TBC1D19: variants seen among roughly 807,000 people sequenced by gnomAD.
The protein encoded by TBC1D19 is TBC1 domain family, member 19.
Under a neutral mutation model 89.0 loss-of-function variants are expected in TBC1D19, and 60 were observed. The observed-to-expected ratio is 0.67, with a 90% CI of 0.55 to 0.84. The LOEUF (loss-of-function observed/expected upper bound fraction) is 0.84, where lower values mean the gene tolerates loss of function less well. Among genes scored for constraint, TBC1D19 ranks in the 40% least tolerant of loss-of-function variants. The pLI is 0.00. For missense variants in TBC1D19, 500 were observed against 610.8 expected (o/e 0.82, Z 1.91); for synonymous variants, 189 against 199.7 (o/e 0.95, Z 0.45).
At chr4:26,600,541 A>C (rs1483493631) in intron 1 of TBC1D19, among the ~76,000 whole-genome samples, 1 of 152,206 alleles carries the variant, frequency 6.6e-6, no homozygotes, top group African/African-American at 2.4e-5. Flanking sequence ...GGTAAGACCA[A>C]GTTGAAATAA....
intron 10 of TBC1D19, among the ~76,000 whole-genome samples, chr4:26,672,925 T>C (rs1200513686): frequency 3.3e-5 from 5 of 152,104 alleles, no homozygotes; most frequent in East Asian, 3.9e-4. Context: ...CTTCTGCTCA[T>C]GTCATTTTCA....
chr4:26,651,174 G>A (rs114898227), intron 7 of TBC1D19, among the ~76,000 whole-genome samples: 88 of 152,244 alleles, frequency 5.8e-4, no homozygotes, highest in African/African-American at 2.0e-3. Flanking sequence ...TGTTCTTTTG[G>A]CTTAGTATTG....
At chr4:26,779,078 C>G in the TBC1D19 span, among the ~76,000 whole-genome samples, 3 of 152,182 alleles carry the variant, frequency 2.0e-5, no homozygotes, top group African/African-American at 7.2e-5. Context: ...CCTAAGAATA[C>G]TGGGAGCTTC....
intron 4 of TBC1D19, among the ~76,000 whole-genome samples, chr4:26,628,430 A>G (rs1015160116): frequency 6.6e-6 from 1 of 152,118 alleles, no homozygotes; most frequent in African/African-American, 2.4e-5. Flanking sequence ...GAAGAAAGTC[A>G]TTGGTAGCTT....
At chr4:26,654,014 G>A (rs1428946668) in intron 7 of TBC1D19, among the ~76,000 whole-genome samples, 1 of 152,182 alleles carries the variant, frequency 6.6e-6, no homozygotes, top group African/African-American at 2.4e-5. Context: ...GCTGGTACCG[G>A]TTATTCCTTT....
intron 1 of TBC1D19, among the ~76,000 whole-genome samples, chr4:26,609,186 T>TA (rs1470785716): frequency 1.3e-5 from 2 of 151,710 alleles, no homozygotes; most frequent in South Asian, 2.1e-4. Context: ...TGTGCACATG[T>TA]ACCCTAAAAC....
intron 17 of TBC1D19, among the ~76,000 whole-genome samples, chr4:26,740,344 T>C (rs934254842): frequency 2.0e-5 from 3 of 152,176 alleles, no homozygotes; most frequent in Non-Finnish European, 4.4e-5. Context: ...TACAAAGCAC[T>C]CAGTGTAGTT....
intron 7 of TBC1D19, among the ~76,000 whole-genome samples, chr4:26,645,608 G>A (rs1228549516): frequency 2.6e-5 from 4 of 152,150 alleles, no homozygotes; most frequent in Non-Finnish European, 4.4e-5. Flanking sequence ...AGGACTTCAC[G>A]TCTAAAACAC....
chr4:26,663,745 C>T (rs1465679377), intron 8 of TBC1D19, among the ~76,000 whole-genome samples: 1 of 152,122 alleles, frequency 6.6e-6, no homozygotes, highest in African/African-American at 2.4e-5. Flanking sequence ...TGCAGCCTGG[C>T]AATATAATGA....
At chr4:26,625,062 A>AT (rs774609904) in intron 4 of TBC1D19, among the ~76,000 whole-genome samples, 38 of 146,408 alleles carry the variant, frequency 2.6e-4, no homozygotes, top group Admixed American at 1.2e-3. Flanking sequence ...AATTCAATTC[A>AT]TTTTTTTTTT....
chr4:26,647,910 A>G (rs773894813), intron 7 of TBC1D19, among the ~76,000 whole-genome samples: 1 of 151,818 alleles, frequency 6.6e-6, no homozygotes, highest in Non-Finnish European at 1.5e-5. Flanking sequence ...GTTTTCCTCC[A>G]CAGCATCTAT....
At chr4:26,747,925 A>G (rs952550628) in intron 18 of TBC1D19, among the ~76,000 whole-genome samples, 4 of 152,186 alleles carry the variant, frequency 2.6e-5, no homozygotes, top group African/African-American at 9.6e-5. Context: ...TTTTGTCCTT[A>G]TACTCATACT....
chr4:26,817,774 C>A, the TBC1D19 span, among the ~76,000 whole-genome samples: 2 of 151,788 alleles, frequency 1.3e-5, no homozygotes, highest in Non-Finnish European at 1.5e-5. Flanking sequence ...TCAAGACCAG[C>A]CTGGCCAACA....
chr4:26,640,128 T>C lies in TBC1D19; in HGVS notation c.434-13T>C. 4 of 1,586,450 alleles carry C rather than the reference T, an allele frequency of 2.5e-6. No homozygotes were observed. Among genetic ancestry groups the C allele is most frequent in the Non-Finnish European group, 3.4e-6 (4 of 1,162,270 alleles). ...ATTAGCTGAAATTTTGTTTATAATCTATCTTATTCTAGATTTAAGCCTTTT... is the reference window on the plus strand; with the variant it reads ...ATTAGCTGAAATTTTGTTTATAATCCATCTTATTCTAGATTTAAGCCTTTT... On this transcript the variant is annotated splice_polypyrimidine_tract_variant and intron_variant, in intron 6 of 20. Coordinates refer to ENST00000264866, the MANE Select transcript of TBC1D19 (RefSeq NM_018317.4).
chr4:26,795,854 G>A, the TBC1D19 span, among the ~76,000 whole-genome samples: 6 of 152,146 alleles, frequency 3.9e-5, no homozygotes, highest in African/African-American at 1.2e-4. Flanking sequence ...GAAACATACA[G>A]TGAATATTTT....
At chr4:26,588,290 G>A (rs1356015139) in intron 1 of TBC1D19, among the ~76,000 whole-genome samples, 1 of 152,060 alleles carries the variant, frequency 6.6e-6, no homozygotes, top group African/African-American at 2.4e-5. Context: ...CTCCTAAAGG[G>A]CTGGGATTAA....
At chr4:26,622,541 C>G (rs1229350179) in intron 4 of TBC1D19, among the ~76,000 whole-genome samples, 1 of 152,056 alleles carries the variant, frequency 6.6e-6, no homozygotes, top group African/African-American at 2.4e-5. Context: ...CCATGTATAT[C>G]ACGGATCTGC....
the TBC1D19 span, among the ~76,000 whole-genome samples, chr4:26,765,229 G>A: frequency 6.6e-6 from 1 of 152,128 alleles, no homozygotes; most frequent in Admixed American, 6.6e-5. Flanking sequence ...AAGAAGGAAG[G>A]AGGAATAACA....
At chr4:26,762,277 C>T in the TBC1D19 span, among the ~76,000 whole-genome samples, 2 of 152,178 alleles carry the variant, frequency 1.3e-5, no homozygotes. Flanking sequence ...ATCCTTTTAA[C>T]TTAAACAGCT....
Sources: gnomAD v4.1 joint callset for allele counts (sites outside exome capture counted in the v4.1 genomes callset) on GRCh38, gnomAD v4.1.1 for gene constraint, MANE v1.5 for transcripts, NCBI Gene and HGNC (gene_info 2026-07-23, HGNC 2026-07-21) for gene names.